Variants in TTC28 observed in about 807,000 individuals in gnomAD.
TTC28 encodes the protein tetratricopeptide repeat protein 28.
A neutral mutation model predicts 198.0 loss-of-function variants in TTC28; 61 were observed. The observed-to-expected ratio is 0.31, with a 90% CI of 0.25 to 0.38. The LOEUF (loss-of-function observed/expected upper bound fraction) is 0.38, where lower values mean the gene tolerates loss of function less well. Ranked by LOEUF, TTC28 falls within the 10% of genes least tolerant of loss-of-function variation. The probability of loss-of-function intolerance (pLI) is 1.00; values close to 1 mark genes in which losing one functional copy is unlikely to be tolerated. For synonymous variants in TTC28, 1,171 were observed against 1,297.8 expected (o/e 0.90, Z 2.10); for missense variants, 2,678 against 3,164.0 (o/e 0.85, Z 3.69).
chr22:28,192,817 G>A (rs1056777040), intron 5 of TTC28, among the ~76,000 whole-genome samples: 1 of 152,178 alleles, frequency 6.6e-6, no homozygotes, highest in African/African-American at 2.4e-5. Context: ...ACGTCTGATT[G>A]GTGTACCTGA....
At chr22:28,210,901 T>C (rs566406648) in intron 5 of TTC28, among the ~76,000 whole-genome samples, 2 of 152,208 alleles carry the variant, frequency 1.3e-5, no homozygotes, top group East Asian at 1.9e-4. Flanking sequence ...GGTCGGGTTA[T>C]CCACAAAGGA....
At chr22:28,567,566 C>G (rs1168502106) in intron 2 of TTC28, among the ~76,000 whole-genome samples, 11 of 131,416 alleles carry the variant, frequency 8.4e-5, no homozygotes, top group Non-Finnish European at 1.4e-4. Flanking sequence ...AAAAAGGCAA[C>G]CAAGGCAGAA....
chr22:28,363,984 TGA>T (rs2046202403), intron 2 of TTC28, among the ~76,000 whole-genome samples: 3 of 152,196 alleles, frequency 2.0e-5, no homozygotes, highest in Non-Finnish European at 4.4e-5. Flanking sequence ...TGTGGACTTT[TGA>T]GTTAATACTA....
At chr22:28,128,917 C>T (rs1375880346) in intron 6 of TTC28, among the ~76,000 whole-genome samples, 1 of 152,078 alleles carries the variant, frequency 6.6e-6, no homozygotes, top group East Asian at 1.9e-4. Flanking sequence ...GTAAGTCGTA[C>T]CTGACAATGA....
At chr22:28,380,392 ATC>A (rs1358928757) in intron 2 of TTC28, among the ~76,000 whole-genome samples, 1 of 152,152 alleles carries the variant, frequency 6.6e-6, no homozygotes, top group Non-Finnish European at 1.5e-5. Context: ...AAAATCAAAA[ATC>A]TCTTTCTCAA....
chr22:28,099,293 T>C (rs1569137882), intron 9 of TTC28, among the ~76,000 whole-genome samples: 1 of 152,220 alleles, frequency 6.6e-6, no homozygotes, highest in African/African-American at 2.4e-5. Context: ...CCACTCATCA[T>C]GTAACGACAC....
At chr22:28,605,671 T>G (rs2050718076) in intron 2 of TTC28, among the ~76,000 whole-genome samples, 1 of 152,238 alleles carries the variant, frequency 6.6e-6, no homozygotes, top group East Asian at 1.9e-4. Flanking sequence ...TTATAGATTT[T>G]TATCTTCTTT....
At chr22:28,109,326 A>G (rs1212774978) in intron 6 of TTC28, among the ~76,000 whole-genome samples, 1 of 152,244 alleles carries the variant, frequency 6.6e-6, no homozygotes, top group Non-Finnish European at 1.5e-5. Flanking sequence ...TCTTGTAATC[A>G]TATTAACTGG....
At chr22:28,554,716 C>G (rs2049759614) in intron 2 of TTC28, among the ~76,000 whole-genome samples, 2 of 151,882 alleles carry the variant, frequency 1.3e-5, no homozygotes, top group Admixed American at 1.3e-4. Context: ...ACTAAAAATA[C>G]AAAAATTAAC....
chr22:28,585,381 G>A (rs777332007), intron 2 of TTC28, among the ~76,000 whole-genome samples: 29 of 152,182 alleles, frequency 1.9e-4, no homozygotes, highest in Non-Finnish European at 3.4e-4. Context: ...AATTATCATA[G>A]GGAGCACCAA....
chr22:28,170,936 G>C (rs73168111), intron 5 of TTC28, among the ~76,000 whole-genome samples: 26 of 151,118 alleles, frequency 1.7e-4, no homozygotes, highest in Non-Finnish European at 3.2e-4. Context: ...TCTGTGCAGA[G>C]AGATGCCATC....
intron 5 of TTC28, among the ~76,000 whole-genome samples, chr22:28,233,197 GA>G (rs1928950817): frequency 6.6e-6 from 1 of 151,888 alleles, no homozygotes; most frequent in African/African-American, 2.4e-5. Flanking sequence ...TAAAATTCTG[GA>G]TTTTTTTCAG....
intron 5 of TTC28, among the ~76,000 whole-genome samples, chr22:28,261,701 T>G (rs1931332711): frequency 6.6e-6 from 1 of 152,096 alleles, no homozygotes; most frequent in African/African-American, 2.4e-5. Context: ...CTCTCAGAGG[T>G]CCTGCAGAAA....
chr22:28,222,293 C>T (rs1020328084), intron 5 of TTC28, among the ~76,000 whole-genome samples: 10 of 152,198 alleles, frequency 6.6e-5, no homozygotes, highest in Admixed American at 1.3e-4. Context: ...TAAAGCAGAA[C>T]ACAACACCCA....
intron 6 of TTC28, among the ~76,000 whole-genome samples, chr22:28,125,414 C>T (rs926733904): frequency 1.3e-5 from 2 of 152,200 alleles, no homozygotes; most frequent in Admixed American, 6.5e-5. Context: ...ATGATGAACA[C>T]GGCTTCCTGC....
chr22:28,549,636 CTGTT>C (rs1438854163), intron 2 of TTC28, among the ~76,000 whole-genome samples: 2 of 152,214 alleles, frequency 1.3e-5, no homozygotes, highest in Admixed American at 6.5e-5. Flanking sequence ...GATTAATCAA[CTGTT>C]TGCCAATTAA....
chr22:27,987,529 G>A (rs761221052), intron 21 of TTC28, among the ~76,000 whole-genome samples: 1 of 152,030 alleles, frequency 6.6e-6, no homozygotes, highest in Non-Finnish European at 1.5e-5. Flanking sequence ...CTCAGGAGCT[G>A]GAGAACAGCC....
In TTC28 at chr22:28,105,692, C is replaced by G; in HGVS notation, c.2894G>C (p.Ser965Thr). The G allele has an allele frequency of 1.9e-6, 3 of 1,551,884 alleles. No homozygotes were observed. The highest frequency in any genetic ancestry group is 2.6e-6 in the Non-Finnish European group (3 of 1,147,056). Residue 965 changes from serine to threonine, a missense_variant, in exon 8 of 23, where the codon AGT becomes ACT. By Grantham distance (58) the Ser-to-Thr change is moderately conservative. Around this residue, in one of 8 missense-constraint regions of TTC28, gnomAD observed 727 missense variants for 861.9 expected, o/e 0.84. Coordinates refer to ENST00000397906, the MANE Select transcript of TTC28 (RefSeq NM_001145418.2). Reference sequence around the variant, plus strand: ...GTAATTCCCTAATTGGCTGTGCAGACTTCCCAGCTCTCCATAGGCCTGGGC... The same window carrying G: ...GTAATTCCCTAATTGGCTGTGCAGAGTTCCCAGCTCTCCATAGGCCTGGGC... ...NKAQAYGELG[S>T]LHSQLGNYEQ...
chr22:28,517,404 T>C (rs1286159558), intron 2 of TTC28, among the ~76,000 whole-genome samples: 7 of 152,170 alleles, frequency 4.6e-5, no homozygotes, highest in African/African-American at 1.4e-4. Flanking sequence ...TGCCCAACTA[T>C]AGGCTACACA....
Sources: allele counts gnomAD v4.1 joint callset (sites outside exome capture counted in the v4.1 genomes callset), GRCh38; gene constraint gnomAD v4.1.1; regional missense constraint gnomAD v4.1.1; transcripts MANE v1.5; gene names NCBI Gene and HGNC (gene_info 2026-07-23, HGNC 2026-07-21).